CD2AP: variants seen among roughly 807,000 people sequenced by gnomAD.
CD2AP encodes the protein CD2-associated protein.
Under a neutral mutation model 85.1 loss-of-function variants are expected in CD2AP, and 46 were observed. That is an observed-to-expected ratio of 0.54 (90% CI 0.43 to 0.69). The LOEUF is 0.69. Among genes scored for constraint, CD2AP ranks in the 30% least tolerant of loss-of-function variants. The probability of loss-of-function intolerance (pLI) is 0.00; values close to 1 mark genes in which losing one functional copy is unlikely to be tolerated. For missense variants in CD2AP, 769 were observed against 729.5 expected (o/e 1.05, Z -0.62); for synonymous variants, 255 against 252.9 (o/e 1.01, Z -0.08).
chr6:47,539,036 A>T (rs1463376470), intron 3 of CD2AP, among the ~76,000 whole-genome samples: 3 of 152,176 alleles, frequency 2.0e-5, no homozygotes, highest in Non-Finnish European at 4.4e-5. Flanking sequence ...GATCATGAGA[A>T]ACAATATTGG....
At chr6:47,577,835 C>G (rs1309091818) in intron 8 of CD2AP, among the ~76,000 whole-genome samples, 1 of 152,144 alleles carries the variant, frequency 6.6e-6, no homozygotes, top group African/African-American at 2.4e-5. Flanking sequence ...GCTTTGGCCT[C>G]CCAAAGTGCC....
chr6:47,598,105 T>C lies in CD2AP; in HGVS notation c.1275-1196T>C, dbSNP rs1768998579. On this transcript the variant is annotated intron_variant, in intron 12 of 17. Coordinates refer to ENST00000359314, the MANE Select transcript of CD2AP (RefSeq NM_012120.3). The stretch of plus-strand genomic sequence containing the variant: ...CTGGACTAAGTACATGAATAGACAG[T>C]TCTCAAAAGAAGATATACAAATGGC... Among the ~76,000 whole-genome samples, 2 of 150,904 alleles carry C rather than the reference T, an allele frequency of 1.3e-5. 1 individual carries two copies. The highest frequency in any genetic ancestry group is 3.0e-5 in the Non-Finnish European group (2 of 67,234).
Position 47,593,136 on chromosome 6 carries a change from A to C in CD2AP, c.1109-2725A>C, listed in dbSNP as rs1768847810. Reference sequence around the variant, plus strand: ...TGCCAGATAATTGGTTGTTGTGGGAATAAATCCCCACACATTTGGTGTCTC... The same window carrying C: ...TGCCAGATAATTGGTTGTTGTGGGACTAAATCCCCACACATTTGGTGTCTC... On this transcript the variant is annotated intron_variant, in intron 11 of 17. Transcript: ENST00000359314. Among the ~76,000 whole-genome samples the C allele has an allele frequency of 3.3e-5, 5 of 152,184 alleles. No homozygotes were observed. In the South Asian group the frequency reaches 1.0e-3, roughly 31 times the overall value.
chr6:47,489,472 G>C (rs558067059), intron 1 of CD2AP, among the ~76,000 whole-genome samples: 1 of 151,992 alleles, frequency 6.6e-6, no homozygotes, highest in African/African-American at 2.4e-5. Flanking sequence ...CACCGTGCCC[G>C]GCTGCACTCG....
At chr6:47,482,600 G>C (rs1160403121) in intron 1 of CD2AP, among the ~76,000 whole-genome samples, 1 of 151,962 alleles carries the variant, frequency 6.6e-6, no homozygotes, top group Non-Finnish European at 1.5e-5. Context: ...GGATGGTCTC[G>C]ATCTCCTGAC....
At chr6:47,555,833 C>T (rs989655855) in intron 5 of CD2AP, among the ~76,000 whole-genome samples, 11 of 151,330 alleles carry the variant, frequency 7.3e-5, no homozygotes, top group Non-Finnish European at 5.9e-5. Context: ...AGGGCTGTTT[C>T]GTGCATTGAC....
At chr6:47,512,523 G>T (rs752540357) in intron 2 of CD2AP, among the ~76,000 whole-genome samples, 1 of 152,190 alleles carries the variant, frequency 6.6e-6, no homozygotes, top group Non-Finnish European at 1.5e-5. Context: ...AATTGTTTTT[G>T]TGGCTTATTA....
In CD2AP at chr6:47,547,913, C is replaced by A. The variant is rs116733158; in HGVS notation, c.420+3207C>A. ...AAATACGTGGAAATTAAATAACTTA[C>A]TCCTGAATGATCATTGGGTCAGAAA... On this transcript the variant is annotated intron_variant, in intron 4 of 17. Coordinates refer to ENST00000359314, the MANE Select transcript of CD2AP (RefSeq NM_012120.3). Among the ~76,000 whole-genome samples the A allele has an allele frequency of 2.3e-3, 347 of 152,220 alleles. 2 individuals are homozygous for A. The highest frequency in any genetic ancestry group is 7.7e-3 in the African/African-American group (318 of 41,550).
intron 2 of CD2AP, among the ~76,000 whole-genome samples, chr6:47,518,916 A>G (rs573867864): frequency 6.6e-6 from 1 of 151,742 alleles, no homozygotes; most frequent in Admixed American, 6.5e-5. Flanking sequence ...TTTTTTAGAA[A>G]GAGACACGGT....
chr6:47,585,846 A>G (rs1248923179), intron 11 of CD2AP, among the ~76,000 whole-genome samples: 6 of 152,246 alleles, frequency 3.9e-5, no homozygotes, highest in Non-Finnish European at 8.8e-5. Context: ...CTCATAATAT[A>G]TAGCACATTG....
At chr6:47,552,263 T>C (rs1265086650) in intron 4 of CD2AP, among the ~76,000 whole-genome samples, 2 of 152,322 alleles carry the variant, frequency 1.3e-5, no homozygotes, top group East Asian at 3.9e-4. Context: ...CAGTGCACAC[T>C]GTACCTAATG....
intron 13 of CD2AP, among the ~76,000 whole-genome samples, chr6:47,604,796 A>G (rs1475587367): frequency 6.6e-6 from 1 of 152,010 alleles, no homozygotes; most frequent in Non-Finnish European, 1.5e-5. Flanking sequence ...TTTCATGATT[A>G]TTTACAATTA....
chr6:47,482,644 C>T (rs1330181138), intron 1 of CD2AP, among the ~76,000 whole-genome samples: 1 of 152,162 alleles, frequency 6.6e-6, no homozygotes, highest in African/African-American at 2.4e-5. Flanking sequence ...TTCCAAAGTA[C>T]TGGGATTATA....
intron 2 of CD2AP, among the ~76,000 whole-genome samples, chr6:47,529,244 C>T (rs1429193650): frequency 7.8e-6 from 1 of 128,626 alleles, no homozygotes; most frequent in Non-Finnish European, 1.6e-5. Context: ...GTTAGGTCCT[C>T]ACATGAATTC....
intron 13 of CD2AP, among the ~76,000 whole-genome samples, chr6:47,601,534 A>G (rs1057513545): frequency 2.0e-5 from 3 of 152,126 alleles, no homozygotes; most frequent in Non-Finnish European, 2.9e-5. Flanking sequence ...GTCGTGTTTT[A>G]GGCACAGTTG....
At chr6:47,586,771 A>G (rs9357547) in intron 11 of CD2AP, among the ~76,000 whole-genome samples, 1 of 151,904 alleles carries the variant, frequency 6.6e-6, no homozygotes, top group Non-Finnish European at 1.5e-5. Context: ...AAATATGTGA[A>G]TAGATATAGA....
intron 13 of CD2AP, among the ~76,000 whole-genome samples, chr6:47,600,583 A>G (rs1769102518): frequency 6.6e-6 from 1 of 151,818 alleles, no homozygotes; most frequent in African/African-American, 2.4e-5. Context: ...AGCTATATTT[A>G]CTACTAATTT....
At chr6:47,547,632 A>G (rs1360290614) in intron 4 of CD2AP, among the ~76,000 whole-genome samples, 1 of 152,200 alleles carries the variant, frequency 6.6e-6, no homozygotes, top group Non-Finnish European at 1.5e-5. Flanking sequence ...AGACAAAGTC[A>G]ACAAAGAAAC....
chr6:47,588,114 A>G (rs1192912990), intron 11 of CD2AP, among the ~76,000 whole-genome samples: 1 of 152,110 alleles, frequency 6.6e-6, no homozygotes, highest in Non-Finnish European at 1.5e-5. Context: ...TTTCTCTGGA[A>G]TTGTACTTCT....
Sources: allele counts gnomAD v4.1 joint callset (sites outside exome capture counted in the v4.1 genomes callset), GRCh38; gene constraint gnomAD v4.1.1; transcripts MANE v1.5; gene names NCBI Gene and HGNC (gene_info 2026-07-23, HGNC 2026-07-21).